Variants in TRPC6 observed in about 807,000 individuals in gnomAD.
TRPC6 encodes the protein transient receptor potential cation channel subfamily C member 6, also known as short transient receptor potential channel 6.
In TRPC6, 55 loss-of-function variants were observed where a neutral mutation model predicts 90.7. The ratio of observed to expected loss-of-function variants is 0.61; its 90% CI spans 0.49 to 0.76. The LOEUF (loss-of-function observed/expected upper bound fraction) is 0.76. TRPC6 is among the 30% of genes least tolerant of loss of function. The pLI is 0.00. For missense variants in TRPC6, 989 were observed against 1,122.7 expected (o/e 0.88, Z 1.70); for synonymous variants, 393 against 393.0 (o/e 1.00, Z 0.00).
In TRPC6 at chr11:101,451,935, C is replaced by T. The variant is rs201292926; in HGVS notation, c.*1020G>A. On this transcript the variant is annotated 3_prime_UTR_variant, in exon 13 of 13. Coordinates refer to ENST00000344327, the MANE Select transcript of TRPC6 (RefSeq NM_004621.6). ...CAACAACAACCTCTTGGTAAATGCA[C>T]ATGAATGCAAATTCCTGTTTTATAT... 2 of 152,138 alleles carry T rather than the reference C, an allele frequency of 1.3e-5. No homozygotes were observed. The highest frequency in any genetic ancestry group is 2.9e-5 in the Non-Finnish European group (2 of 68,016). 9.4% of individuals were successfully genotyped at this position (152,138 alleles called of 1,614,324 possible).
At chr11:101,535,698 A>T (rs1861030093) in intron 1 of TRPC6, among the ~76,000 whole-genome samples, 1 of 152,218 alleles carries the variant, frequency 6.6e-6, no homozygotes, top group Non-Finnish European at 1.5e-5. Context: ...TAGGCATACC[A>T]ATGAGCTTTT....
chr11:101,559,682 G>A (rs930292462), intron 1 of TRPC6, among the ~76,000 whole-genome samples: 5 of 150,328 alleles, frequency 3.3e-5, no homozygotes, highest in Middle Eastern at 3.4e-3. Flanking sequence ...TGTGCACAAC[G>A]TGCAGGTTTG....
chr11:101,572,586 T>C (rs893207154), intron 1 of TRPC6, among the ~76,000 whole-genome samples: 5 of 152,166 alleles, frequency 3.3e-5, no homozygotes, highest in Middle Eastern at 3.2e-3. Context: ...CTGTTCACAA[T>C]AGCAAAGACA....
rs546094368 is a variant in TRPC6, at chr11:101,546,335, G to A, written c.170+36999C>T. The stretch of plus-strand genomic sequence containing the variant: ...GATCCACCCGCCTCGGCCTCCCAAA[G>A]TGCTGGGATTACAGGCGTGAGCCAC... On this transcript the variant is annotated intron_variant, in intron 1 of 12. Transcript: ENST00000344327. Among the ~76,000 whole-genome samples the A allele has an allele frequency of 7.6e-5, 5 of 65,666 alleles. 1 individual carries two copies. The South Asian group carries it at 1.8e-3, about 23-fold the overall frequency. 43.1% of individuals were successfully genotyped at this position (65,666 alleles called of 152,430 possible).
At chr11:101,471,407 G>A (rs779480534) in intron 8 of TRPC6, 21 bp from the exon 9 acceptor site, 1 of 1,612,216 alleles carries the variant, frequency 6.2e-7, no homozygotes, top group Non-Finnish European at 8.5e-7. Context: ...ACACATGACA[G>A]TTCAGCAAGG....
At chr11:101,539,974 T>C (rs1481936331) in intron 1 of TRPC6, among the ~76,000 whole-genome samples, 1 of 152,232 alleles carries the variant, frequency 6.6e-6, no homozygotes, top group Non-Finnish European at 1.5e-5. Flanking sequence ...TTTGTTTTTA[T>C]TATGTAATTA....
Position 101,496,606 on chromosome 11 carries a change from A to G in TRPC6, c.946-4868T>C, listed in dbSNP as rs140494997. 4.2e-3 allele frequency among the ~76,000 whole-genome samples: 642 copies of G among 152,322 alleles called. 3 individuals carry two copies. Among genetic ancestry groups the G allele is most frequent in the African/African-American group, 0.015 (615 of 41,580 alleles). On this transcript the variant is annotated intron_variant, in intron 2 of 12. Transcript: ENST00000344327. ...TGCCATCAGCAGTGGCTGCTTAGTT[A>G]ATATAGTGTTTGGTTATATACACTT...
At chr11:101,458,832 A>C (rs190236176) in intron 10 of TRPC6, among the ~76,000 whole-genome samples, 118 of 152,314 alleles carry the variant, frequency 7.7e-4, no homozygotes, top group African/African-American at 2.7e-3. Context: ...AAATACTTTA[A>C]AATTCAAGAG....
intron 1 of TRPC6, among the ~76,000 whole-genome samples, chr11:101,569,987 AT>A (rs34041985): frequency 0.38 from 57,339 of 151,862 alleles, 11,499 homozygotes; most frequent in Non-Finnish European, 0.46. Flanking sequence ...AACAAACTCA[AT>A]AAGCTAGCAG....
chr11:101,516,110 A>G (rs867631222), intron 1 of TRPC6, among the ~76,000 whole-genome samples: 67 of 148,168 alleles, frequency 4.5e-4, no homozygotes, highest in African/African-American at 1.6e-3. Context: ...GCAGCTGGGA[A>G]AAAAAAAAAA....
chr11:101,553,601 C>T (rs1037451669), intron 1 of TRPC6, among the ~76,000 whole-genome samples: 1 of 152,106 alleles, frequency 6.6e-6, no homozygotes, highest in African/African-American at 2.4e-5. Context: ...CTTTAGAATC[C>T]ACCCAGGTTG....
intron 1 of TRPC6, among the ~76,000 whole-genome samples, chr11:101,561,312 C>T (rs1388653677): frequency 2.0e-5 from 3 of 152,132 alleles, no homozygotes; most frequent in Admixed American, 2.0e-4. Flanking sequence ...TGTCCTCCTT[C>T]TCATTTGTTC....
At position 101,488,717 on chromosome 11, in the gene TRPC6, G is replaced by GT. The variant is rs200510652; in HGVS notation, c.1293+219dup. On this transcript the variant is annotated intron_variant, in intron 4 of 12. Coordinates refer to ENST00000344327, the MANE Select transcript of TRPC6 (RefSeq NM_004621.6). ...ATTACAGGTGAATTTTATCTTTTCC[G>GT]TTTTTTTTGTTTCCTATAGCAAACA... 6.6e-3 allele frequency among the ~76,000 whole-genome samples: 996 copies of GT among 151,778 alleles called. 10 individuals are homozygous for GT. The highest frequency in any genetic ancestry group is 0.022 in the African/African-American group (909 of 41,398).
rs1859590019 is a variant in TRPC6 at position 101,483,063 on chromosome 11, C to T, written c.1396G>A (p.Glu466Lys). ...TCATTAGGAAGGAGTTTTGTGCCTT[C>T]AAATCTGTCAGCTGCATTCATGACT... is the stretch of plus-strand genomic sequence containing the variant. Reference protein sequence around the residue: ...LLVMNAADRFEGTKLLPNETS... With the variant: ...LLVMNAADRFKGTKLLPNETS... Residue 466 changes from glutamate (E) to lysine (K), a missense_variant, in exon 5 of 13, where the codon GAA becomes AAA. Physicochemically the swap from Glu to Lys is moderately conservative, Grantham distance 56. Transcript: ENST00000344327. The T allele has an allele frequency of 2.5e-6, 4 of 1,614,050 alleles. No homozygotes were observed. Among genetic ancestry groups the T allele is most frequent in the Non-Finnish European group, 3.4e-6 (4 of 1,179,948 alleles).
intron 10 of TRPC6, among the ~76,000 whole-genome samples, chr11:101,463,239 A>G (rs1427269409): frequency 1.3e-5 from 2 of 152,146 alleles, no homozygotes; most frequent in Non-Finnish European, 2.9e-5. Context: ...TTTCTCATCA[A>G]TGTTCGTCAG....
At chr11:101,575,650 A>C (rs1459826038) in intron 1 of TRPC6, among the ~76,000 whole-genome samples, 1 of 152,214 alleles carries the variant, frequency 6.6e-6, no homozygotes, top group African/African-American at 2.4e-5. Context: ...AATCATATAA[A>C]ATCAACAGAG....
At chr11:101,477,751 T>TA (rs1296071861) in intron 5 of TRPC6, among the ~76,000 whole-genome samples, 1 of 152,224 alleles carries the variant, frequency 6.6e-6, no homozygotes, top group Non-Finnish European at 1.5e-5. Flanking sequence ...GAGGCTTAAA[T>TA]AAAATAGTTC....
chr11:101,583,201 A>G, intron 1 of TRPC6, 133 bp downstream of exon 1: 3 of 1,386,048 alleles, frequency 2.2e-6, no homozygotes, highest in Non-Finnish European at 2.8e-6. Context: ...GCTCTCGCGG[A>G]CCTCCCAGCA....
chr11:101,563,116 T>C (rs1029136866), intron 1 of TRPC6, among the ~76,000 whole-genome samples: 1 of 152,188 alleles, frequency 6.6e-6, no homozygotes, highest in Non-Finnish European at 1.5e-5. Context: ...AAAAGTCAGT[T>C]CCTCAGTTGC....
Sources: allele counts gnomAD v4.1 joint callset (sites outside exome capture counted in the v4.1 genomes callset), GRCh38; gene constraint gnomAD v4.1.1; transcripts MANE v1.5; gene names NCBI Gene and HGNC (gene_info 2026-07-23, HGNC 2026-07-21).